MTCL2: variants seen among roughly 807,000 people sequenced by gnomAD.
MTCL2 encodes the protein microtubule cross-linking factor 2.
At chr20:36,828,849 T>C in the MTCL2 span, 11 of 568,304 alleles carry the variant, frequency 1.9e-5, no homozygotes, top group East Asian at 3.3e-5. Context: ...TTGTTCACCA[T>C]TGTAACCTTA....
the MTCL2 span, among the ~76,000 whole-genome samples, chr20:36,856,016 C>G: frequency 6.6e-6 from 1 of 152,272 alleles, no homozygotes; most frequent in East Asian, 1.9e-4. Flanking sequence ...AAGACCACTC[C>G]CAGCAAGGTG....
the MTCL2 span, among the ~76,000 whole-genome samples, chr20:36,805,070 G>T: frequency 6.6e-6 from 1 of 152,212 alleles, no homozygotes; most frequent in South Asian, 2.1e-4. Flanking sequence ...GACAGGCCCA[G>T]CCCTGGCTAC....
At chr20:36,856,869 CGT>C in the MTCL2 span, among the ~76,000 whole-genome samples, 1 of 152,034 alleles carries the variant, frequency 6.6e-6, no homozygotes, top group East Asian at 1.9e-4. Flanking sequence ...CGTGCGCGCA[CGT>C]GTGTGCGTGT....
At chr20:36,812,381 G>C in the MTCL2 span, among the ~76,000 whole-genome samples, 1 of 152,184 alleles carries the variant, frequency 6.6e-6, no homozygotes, top group African/African-American at 2.4e-5. Flanking sequence ...AAACTGCCTG[G>C]CTATAGAGAC....
the MTCL2 span, among the ~76,000 whole-genome samples, chr20:36,853,992 G>A: frequency 6.6e-5 from 10 of 152,136 alleles, no homozygotes; most frequent in Non-Finnish European, 1.5e-4. Context: ...GGGTTGCAGC[G>A]AAATCTCAAA....
At chr20:36,799,549 C>T in the MTCL2 span, among the ~76,000 whole-genome samples, 1 of 151,148 alleles carries the variant, frequency 6.6e-6, no homozygotes, top group African/African-American at 2.4e-5. Context: ...GTTAGCCAGG[C>T]ATGGTAGAGT....
the MTCL2 span, among the ~76,000 whole-genome samples, chr20:36,834,863 A>T: frequency 1.7e-3 from 258 of 152,084 alleles, 1 homozygote; most frequent in African/African-American, 5.9e-3. Context: ...TTAGCTGGAC[A>T]TGGTGGCGCA....
At chr20:36,797,701 C>A in the MTCL2 span, 1 of 799,636 alleles carries the variant, frequency 1.3e-6, no homozygotes, top group Non-Finnish European at 2.0e-6. Context: ...CAAGGGGCCA[C>A]CTTCTCAGTG....
the MTCL2 span, chr20:36,816,098 C>T: frequency 6.2e-7 from 1 of 1,613,638 alleles, no homozygotes; most frequent in Admixed American, 1.7e-5. Context: ...GCTTCAGGTG[C>T]ACCTTCAGCT....
the MTCL2 span, chr20:36,786,288 C>T: frequency 3.9e-6 from 5 of 1,271,218 alleles, no homozygotes; most frequent in Non-Finnish European, 5.0e-6. Flanking sequence ...AGTCGAAGCT[C>T]ACCACCCAGG....
the MTCL2 span, among the ~76,000 whole-genome samples, chr20:36,853,625 C>G: frequency 1.3e-5 from 2 of 151,920 alleles, no homozygotes. Context: ...GTCTACGCAG[C>G]CAGTCAGGAG....
At chr20:36,801,692 G>A in the MTCL2 span, among the ~76,000 whole-genome samples, 19 of 152,256 alleles carry the variant, frequency 1.2e-4, no homozygotes, top group South Asian at 4.1e-4. Context: ...AAGGCCAGGC[G>A]CGGTGGTTCA....
At chr20:36,809,082 C>T in the MTCL2 span, among the ~76,000 whole-genome samples, 1 of 152,182 alleles carries the variant, frequency 6.6e-6, no homozygotes, top group Admixed American at 6.5e-5. Context: ...GGAGGGGTGA[C>T]GCATGGAGAG....
chr20:36,781,791 A>G, the MTCL2 span: 1 of 152,120 alleles, frequency 6.6e-6, no homozygotes, highest in South Asian at 2.1e-4. Flanking sequence ...ACGAACACCA[A>G]TGGTGTGGCC....
At chr20:36,860,128 C>T in the MTCL2 span, among the ~76,000 whole-genome samples, 2 of 152,150 alleles carry the variant, frequency 1.3e-5, no homozygotes, top group Non-Finnish European at 2.9e-5. Context: ...ATGGGCTGGC[C>T]TTGCTCTCCT....
chr20:36,861,518 C>G, the MTCL2 span, among the ~76,000 whole-genome samples: 1 of 151,972 alleles, frequency 6.6e-6, no homozygotes, highest in Non-Finnish European at 1.5e-5. Context: ...GAGGGAGAAG[C>G]CCATTTGGTC....
At chr20:36,863,164 C>G in the MTCL2 span, 2 of 1,356,894 alleles carry the variant, frequency 1.5e-6, no homozygotes, top group Non-Finnish European at 1.9e-6. This position sits in a 1 kb window ranked among gnomAD's most constrained non-coding sequence, Gnocchi z 6.2. Context: ...GCGCTGCAGG[C>G]GACTGCTGAG....
the MTCL2 span, chr20:36,817,419 C>T: frequency 8.2e-6 from 13 of 1,593,490 alleles, no homozygotes; most frequent in South Asian, 1.1e-5. Flanking sequence ...GCACCAAAGT[C>T]TTCTTATCGG....
At chr20:36,777,737 A>G in the MTCL2 span, 1 of 573,324 alleles carries the variant, frequency 1.7e-6, no homozygotes. Flanking sequence ...TGACTGCAGG[A>G]CCCTCACCAG....
Sources: allele counts gnomAD v4.1 joint callset (sites outside exome capture counted in the v4.1 genomes callset), GRCh38; gene constraint gnomAD v4.1.1; non-coding constraint Gnocchi (gnomAD v3.1); transcripts MANE v1.5; gene names NCBI Gene and HGNC (gene_info 2026-07-23, HGNC 2026-07-21).